POU2F2: variants seen among roughly 807,000 people sequenced by gnomAD.
POU2F2 encodes the protein POU class 2 homeobox 2.
In POU2F2, 14 loss-of-function variants were observed where a neutral mutation model predicts 63.5. The ratio of observed to expected loss-of-function variants is 0.22; its 90% CI spans 0.15 to 0.34. The LOEUF (loss-of-function observed/expected upper bound fraction) is 0.34, where lower values mean the gene tolerates loss of function less well. Ranked by LOEUF, POU2F2 falls within the 10% of genes least tolerant of loss-of-function variation. POU2F2 has a pLI of 1.00. For missense variants in POU2F2, 607 were observed against 815.2 expected, an observed-to-expected ratio of 0.74 and a Z score of 3.11; for synonymous variants, 306 against 348.6, an observed-to-expected ratio of 0.88 and a Z score of 1.36.
In POU2F2 at chr19:42,169,010, C is replaced by T. The variant is rs1434741956; in HGVS notation, c.-70+6953G>A. Among the ~76,000 whole-genome samples the T allele has an allele frequency of 6.6e-6, 1 of 152,236 alleles. No individual in the cohort carries two copies. Among genetic ancestry groups the T allele is most frequent in the African/African-American group, 2.4e-5 (1 of 41,458 alleles). Reference sequence around the variant, plus strand: ...AGCTCTTAGAGAGCAAGGCCCAGGTCTGTCTCGTAAACCACTGTTTCCTCA... The same window carrying T: ...AGCTCTTAGAGAGCAAGGCCCAGGTTTGTCTCGTAAACCACTGTTTCCTCA... On this transcript the variant is annotated intron_variant, in intron 1 of 6. Coordinates refer to the POU2F2 transcript ENST00000524801. This position sits in a 1 kb window ranked among gnomAD's most constrained non-coding sequence, Gnocchi z 4.3.
At chr19:42,102,045 A>T (rs150562980) in intron 5 of POU2F2, among the ~76,000 whole-genome samples, 2 of 152,158 alleles carry the variant, frequency 1.3e-5, no homozygotes, top group Non-Finnish European at 2.9e-5. Flanking sequence ...TCCTGCATGT[A>T]ACCCACCATA....
intron 1 of POU2F2, among the ~76,000 whole-genome samples, chr19:42,186,300 G>A (rs1209940450): frequency 1.3e-5 from 2 of 152,030 alleles, no homozygotes; most frequent in African/African-American, 4.8e-5. Flanking sequence ...ACTCCAGCCA[G>A]GCTACCCTGG....
chr19:42,110,463 T>C (rs950109025), intron 5 of POU2F2: 1 of 163,096 alleles, frequency 6.1e-6, no homozygotes, highest in Admixed American at 6.4e-5. Context: ...AGGAAACGCC[T>C]AACCTAGGGG....
chr19:42,126,442 C>CAAA (rs112862678), intron 1 of POU2F2, among the ~76,000 whole-genome samples: 1 of 99,748 alleles, frequency 1.0e-5, no homozygotes, highest in Non-Finnish European at 2.1e-5. Flanking sequence ...GACTCCATCT[C>CAAA]AAAAAAAAAA....
chr19:42,181,728 A>C (rs1030359558), intron 1 of POU2F2, among the ~76,000 whole-genome samples: 1 of 152,198 alleles, frequency 6.6e-6, no homozygotes, highest in Middle Eastern at 3.4e-3. Context: ...CTGGGATTAC[A>C]GGCGCATGCC....
At chr19:42,194,576 T>A (rs2035108973) in intron 1 of POU2F2, among the ~76,000 whole-genome samples, 1 of 151,638 alleles carries the variant, frequency 6.6e-6, no homozygotes, top group Admixed American at 6.6e-5. Flanking sequence ...CTGGCCAACA[T>A]GGTGAAACCC....
intron 5 of POU2F2, among the ~76,000 whole-genome samples, chr19:42,114,217 G>A (rs1380057175): frequency 2.6e-5 from 4 of 152,118 alleles, no homozygotes; most frequent in African/African-American, 9.7e-5. Context: ...AGGCAAGAAT[G>A]TCTGCTGCTC....
intron 1 of POU2F2, among the ~76,000 whole-genome samples, chr19:42,163,915 T>C (rs2034599986): frequency 6.6e-6 from 1 of 152,168 alleles, no homozygotes; most frequent in Non-Finnish European, 1.5e-5. Context: ...TCTCAGCTCA[T>C]ACCATGAAAT....
chr19:42,143,266 A>T (rs988816435), intron 2 of POU2F2, among the ~76,000 whole-genome samples: 2 of 152,104 alleles, frequency 1.3e-5, no homozygotes, highest in African/African-American at 4.8e-5. Context: ...CAGGAGGCTA[A>T]GGCTTGAACC....
At chr19:42,188,630 C>T (rs1003883189) in intron 1 of POU2F2, among the ~76,000 whole-genome samples, 1 of 141,370 alleles carries the variant, frequency 7.1e-6, no homozygotes, top group Non-Finnish European at 1.5e-5. Context: ...GAGATTGCGC[C>T]ATTGCACTCC....
At chr19:42,142,790 C>T (rs917332481) in intron 2 of POU2F2, among the ~76,000 whole-genome samples, 3 of 151,246 alleles carry the variant, frequency 2.0e-5, no homozygotes, top group Non-Finnish European at 4.4e-5. Context: ...TCTTGAACTC[C>T]CGGGCTCAAG....
chr19:42,092,940 A>G lies in POU2F2; in HGVS notation c.1265-670T>C, dbSNP rs1416693376. 1.3e-5 allele frequency among the ~76,000 whole-genome samples: 2 copies of G among 148,316 alleles called. No individual in the cohort carries two copies. Among genetic ancestry groups the G allele is most frequent in the East Asian group, 2.0e-4 (1 of 5,092 alleles). ...GGGCAACGTGTTGTTTTATGTGTAT[A>G]TATATTATGTGTATATATATTATGC... On this transcript the variant is annotated intron_variant, in intron 12 of 14. Transcript: ENST00000692977. The surrounding 1 kb of genome is among the most constrained non-coding windows in gnomAD (Gnocchi z 5.0).
intron 12 of POU2F2, among the ~76,000 whole-genome samples, chr19:42,093,072 G>A (rs1406908935): frequency 1.5e-5 from 2 of 136,762 alleles, no homozygotes; most frequent in East Asian, 4.4e-4. Context: ...GTGCAGTGGT[G>A]TGATCTCAGT....
At chr19:42,116,973 G>A (rs1016144981) in intron 5 of POU2F2, 4 of 610,902 alleles carry the variant, frequency 6.5e-6, no homozygotes, top group Non-Finnish European at 1.2e-5. Context: ...GCTGCAGGAG[G>A]AGCTGCTGCT....
chr19:42,189,768 C>A (rs2035056131), intron 1 of POU2F2, among the ~76,000 whole-genome samples: 1 of 152,062 alleles, frequency 6.6e-6, no homozygotes, highest in Admixed American at 6.5e-5. Context: ...GATACTCTGT[C>A]ACCTAGGCTG....
chr19:42,105,999 T>TTTTCCTTC (rs1555897061), intron 5 of POU2F2, among the ~76,000 whole-genome samples: 1 of 132,224 alleles, frequency 7.6e-6, no homozygotes, highest in Non-Finnish European at 1.6e-5. Context: ...GATCTTTCTT[T>TTTTCCTTC]TTTCTTTCTT....
At chr19:42,181,603 TA>T (rs1372579972) in intron 1 of POU2F2, among the ~76,000 whole-genome samples, 1 of 152,064 alleles carries the variant, frequency 6.6e-6, no homozygotes, top group Non-Finnish European at 1.5e-5. Flanking sequence ...TTTATTTATT[TA>T]GAGACAGAGC....
intron 1 of POU2F2, among the ~76,000 whole-genome samples, chr19:42,174,060 T>C (rs984393718): frequency 2.6e-5 from 4 of 152,088 alleles, no homozygotes; most frequent in African/African-American, 9.7e-5. Context: ...TCTTGTTTTG[T>C]TTTCTTGAAC....
intron 1 of POU2F2, among the ~76,000 whole-genome samples, chr19:42,131,461 G>C (rs1453271580): frequency 6.6e-6 from 1 of 152,162 alleles, no homozygotes; most frequent in Non-Finnish European, 1.5e-5. Context: ...CAGGCATGAA[G>C]GGCTGAGTGC....
Sources: gnomAD v4.1 joint callset for allele counts (sites outside exome capture counted in the v4.1 genomes callset) on GRCh38, gnomAD v4.1.1 for gene constraint, Gnocchi (gnomAD v3.1) non-coding constraint, MANE v1.5 for transcripts, NCBI Gene and HGNC (gene_info 2026-07-23, HGNC 2026-07-21) for gene names.